ANK3: variants seen among roughly 807,000 people sequenced by gnomAD.
ANK3 encodes ankyrin-3.
In ANK3, 57 loss-of-function variants were observed where a neutral mutation model predicts 370.9. The ratio of observed to expected loss-of-function variants is 0.15; its 90% CI spans 0.12 to 0.19. ANK3 has a LOEUF of 0.19. ANK3 is among the 10% of genes least tolerant of loss of function. The pLI, the probability that ANK3 is intolerant of heterozygous loss-of-function variation, is 1.00. For missense variants in ANK3, 4,439 were observed against 5,302.1 expected, an observed-to-expected ratio of 0.84 and a Z score of 5.06; for synonymous variants, 1,929 against 1,946.3, an observed-to-expected ratio of 0.99 and a Z score of 0.23.
At chr10:60,221,984 C>G (rs2097067322) in intron 8 of ANK3, among the ~76,000 whole-genome samples, 1 of 152,208 alleles carries the variant, frequency 6.6e-6, no homozygotes, top group Non-Finnish European at 1.5e-5. Context: ...ATGACAAAGT[C>G]AGCTGTTTCC....
chr10:60,059,285 A>G (rs2079855739), intron 41 of ANK3, 55 bp downstream of exon 41: 1 of 1,454,280 alleles, frequency 6.9e-7, no homozygotes, highest in South Asian at 1.1e-5. Context: ...TGTATTTAAG[A>G]TAAACTATTA....
At chr10:60,455,073 C>A (rs993877985) in intron 2 of ANK3, among the ~76,000 whole-genome samples, 3 of 152,040 alleles carry the variant, frequency 2.0e-5, no homozygotes, top group African/African-American at 7.2e-5. Context: ...TAACAACTTT[C>A]AAACAAGATC....
chr10:60,228,746 T>C (rs1356362214), intron 8 of ANK3, among the ~76,000 whole-genome samples: 3 of 152,094 alleles, frequency 2.0e-5, no homozygotes, highest in Non-Finnish European at 4.4e-5. Context: ...GTAGAGCTAT[T>C]TAAAAAAAAA....
At chr10:60,367,584 G>A (rs934027433) in intron 1 of ANK3, among the ~76,000 whole-genome samples, 1 of 152,126 alleles carries the variant, frequency 6.6e-6, no homozygotes, top group African/African-American at 2.4e-5. Context: ...AACAACAATC[G>A]TTGCCTTGCC....
At chr10:60,208,598 C>T (rs76883784) in intron 9 of ANK3, among the ~76,000 whole-genome samples, 2,422 of 152,224 alleles carry the variant, frequency 0.016, 71 homozygotes, top group African/African-American at 0.055. Context: ...TGAAGCGATC[C>T]TCCTGCCTTA....
chr10:60,609,945 T>C (rs1354908642), intron 2 of ANK3, among the ~76,000 whole-genome samples: 2 of 152,090 alleles, frequency 1.3e-5, no homozygotes, highest in Non-Finnish European at 2.9e-5. Context: ...TGGAAAACAA[T>C]TGTTTACTAG....
chr10:60,309,456 CATA>C (rs555356378), intron 1 of ANK3, among the ~76,000 whole-genome samples: 23 of 152,246 alleles, frequency 1.5e-4, no homozygotes, highest in African/African-American at 5.1e-4. Context: ...TGCTGTCATG[CATA>C]ATAAGGGCTT....
intron 2 of ANK3, among the ~76,000 whole-genome samples, chr10:60,506,765 G>A (rs573333899): frequency 6.6e-6 from 1 of 152,214 alleles, no homozygotes; most frequent in South Asian, 2.1e-4. Context: ...GGTCCAGAAG[G>A]AGGTAAACTA....
At chr10:60,093,115 G>A (rs950466829) in intron 28 of ANK3, among the ~76,000 whole-genome samples, 6 of 152,218 alleles carry the variant, frequency 3.9e-5, no homozygotes, top group African/African-American at 1.4e-4. Context: ...TTCTGGGGGA[G>A]TTTTCACCTA....
intron 2 of ANK3, among the ~76,000 whole-genome samples, chr10:60,535,992 G>A (rs898135393): frequency 1.3e-5 from 2 of 151,632 alleles, no homozygotes; most frequent in African/African-American, 4.8e-5. Flanking sequence ...TCAAGATTTC[G>A]ATAACAATCA....
chr10:60,139,137 G>A lies in ANK3; in HGVS notation c.2615-50C>T, dbSNP rs369249359. On this transcript the variant is annotated intron_variant, in intron 23 of 43. Transcript: ENST00000280772. ...CATCAAAAGCTTCCCTTTTGAAAGT[G>A]TCAGCTGTGGAGAAAATCACTCCTT... is the stretch of plus-strand genomic sequence containing the variant. 1.9e-6 allele frequency: 3 copies of A among 1,592,480 alleles called. No individual in the cohort carries two copies. In the African/African-American group the frequency reaches 4.1e-5, roughly 22 times the overall value.
At chr10:60,599,019 C>A (rs551387221) in intron 2 of ANK3, among the ~76,000 whole-genome samples, 1 of 152,130 alleles carries the variant, frequency 6.6e-6, no homozygotes, top group African/African-American at 2.4e-5. Context: ...GCCTTGACGT[C>A]CTGGGCTCAA....
chr10:60,567,761 T>A (rs2077497968), intron 2 of ANK3, among the ~76,000 whole-genome samples: 2 of 152,206 alleles, frequency 1.3e-5, no homozygotes, highest in Non-Finnish European at 2.9e-5. Flanking sequence ...TGTGTGATTC[T>A]TGGGAGGAGG....
intron 2 of ANK3, among the ~76,000 whole-genome samples, chr10:60,399,830 C>A (rs2063319013): frequency 6.6e-6 from 1 of 152,020 alleles, no homozygotes; most frequent in African/African-American, 2.4e-5. Context: ...ACACTTTGCT[C>A]CACTCTAAAA....
intron 1 of ANK3, among the ~76,000 whole-genome samples, chr10:60,368,857 A>T (rs2059742626): frequency 6.6e-6 from 1 of 152,194 alleles, no homozygotes. Flanking sequence ...TGTCAGTCTG[A>T]CATATAACCT....
intron 1 of ANK3, among the ~76,000 whole-genome samples, chr10:60,677,503 C>A (rs1320678817): frequency 1.3e-5 from 2 of 151,884 alleles, no homozygotes; most frequent in Admixed American, 6.6e-5. Flanking sequence ...TTTAAAAAAA[C>A]TGATTTTAAG....
rs994699082 is a variant in ANK3, at chr10:60,186,867, C to G, written c.1933G>C (p.Asp645His). 3.7e-6 allele frequency: 6 copies of G among 1,614,056 alleles called. No individual in the cohort carries two copies. The African/African-American group carries it at 8.0e-5, about 22-fold the overall frequency. The change falls in exon 17 of 44, where the codon GAC becomes CAC. Residue 645 changes from aspartate (D) to histidine (H), a missense_variant. Physicochemically the swap from Asp to His is moderately conservative, Grantham distance 81. This residue lies in a region of ANK3 where 192 missense variants were observed against 192.1 expected (regional missense o/e 1.00). Transcript: ENST00000280772. ...LHIAAKKNQM[D>H]IATTLLEYGA... ...TATTCCAGCAGAGTTGTCGCTATGT[C>G]CATCTGGTTCTTTTTGGCAGCGATG...
intron 1 of ANK3, among the ~76,000 whole-genome samples, chr10:60,617,985 G>C (rs1196790898): frequency 6.6e-6 from 1 of 152,158 alleles, no homozygotes; most frequent in East Asian, 1.9e-4. Flanking sequence ...GTTTGATGTT[G>C]ACTATGGGCT....
intron 1 of ANK3, among the ~76,000 whole-genome samples, chr10:60,389,205 T>C (rs886764722): frequency 6.6e-6 from 1 of 152,128 alleles, no homozygotes; most frequent in African/African-American, 2.4e-5. Flanking sequence ...ACTTTCCGCA[T>C]AGCCCTGCAA....
Sources: gnomAD v4.1 joint callset for allele counts (sites outside exome capture counted in the v4.1 genomes callset) on GRCh38, gnomAD v4.1.1 for gene constraint, gnomAD v4.1.1 regional missense constraint, MANE v1.5 for transcripts, NCBI Gene and HGNC (gene_info 2026-07-23, HGNC 2026-07-21) for gene names.